ATAD5: variants seen among roughly 807,000 people sequenced by gnomAD.
The protein encoded by ATAD5 is ATPase family AAA domain containing 5.
ATAD5 carries 58 observed loss-of-function variants against 176.9 expected under a neutral mutation model. The observed-to-expected ratio is 0.33, with a 90% CI of 0.27 to 0.41. The LOEUF (loss-of-function observed/expected upper bound fraction) is 0.41, where lower values mean the gene tolerates loss of function less well. Ranked by LOEUF, ATAD5 falls within the 10% of genes least tolerant of loss-of-function variation. The pLI is 1.00. For synonymous variants in ATAD5, 640 were observed against 712.6 expected (o/e 0.90, Z 1.62); for missense variants, 1,789 against 2,094.1 (o/e 0.85, Z 2.84).
intron 14 of ATAD5, among the ~76,000 whole-genome samples, chr17:30,870,607 C>T (rs900764816): frequency 2.0e-5 from 3 of 152,164 alleles, no homozygotes; most frequent in Non-Finnish European, 4.4e-5. Context: ...TATTCCTCAT[C>T]AACTCTTTGG....
rs149602003 is a variant in ATAD5, at chr17:30,872,123, C to G, written c.3607+2477C>G. Among the ~76,000 whole-genome samples the G allele has an allele frequency of 2.7e-3, 411 of 152,226 alleles. 1 individual carries two copies. The highest frequency in any genetic ancestry group is 4.6e-3 in the Non-Finnish European group (316 of 68,036). On this transcript the variant is annotated intron_variant, in intron 14 of 22. Coordinates refer to ENST00000321990, the MANE Select transcript of ATAD5 (RefSeq NM_024857.5). Reference sequence around the variant, plus strand: ...TGTAGAGGGGGTCTTGCTGTGTTGTCAGGCTAGTCTCAAACTCCTGGCCTC... The same window carrying G: ...TGTAGAGGGGGTCTTGCTGTGTTGTGAGGCTAGTCTCAAACTCCTGGCCTC...
At chr17:30,892,520 A>G in intron 19 of ATAD5, 87 bp from the exon 20 acceptor site, 2 of 869,904 alleles carry the variant, frequency 2.3e-6, no homozygotes, top group Non-Finnish European at 3.3e-6. Flanking sequence ...TGTCCAGAAG[A>G]TGTCAAAGGA....
intron 21 of ATAD5, 24 bp from the exon 22 acceptor site, chr17:30,894,540 A>C: frequency 1.3e-6 from 2 of 1,582,156 alleles, no homozygotes; most frequent in Middle Eastern, 2.2e-4. Flanking sequence ...ATTAAAAATT[A>C]AAAACAATGC....
At chr17:30,848,364 C>T (rs1214544203) in intron 6 of ATAD5, among the ~76,000 whole-genome samples, 1 of 152,186 alleles carries the variant, frequency 6.6e-6, no homozygotes, top group African/African-American at 2.4e-5. Context: ...TCCCTCCCAC[C>T]TCAGCCTCCC....
chr17:30,850,836 TA>T (rs1567683507), intron 6 of ATAD5, among the ~76,000 whole-genome samples: 4 of 5,262 alleles, frequency 7.6e-4, no homozygotes, highest in Non-Finnish European at 1.5e-3. Context: ...TATATTTTTA[TA>T]TATATATATA....
At position 30,876,254 on chromosome 17, in the gene ATAD5, A is replaced by G. The variant is rs924175052; in HGVS notation, c.3608-120A>G. The G allele has an allele frequency of 4.8e-6, 4 of 828,990 alleles. No individual in the cohort carries two copies. In the African/African-American group the frequency reaches 7.1e-5, roughly 15 times the overall value. The allele number at this position is 828,990 out of a possible 1,614,324, so 51.4% of individuals were successfully genotyped here. On this transcript the variant is annotated intron_variant, in intron 14 of 22. Coordinates refer to ENST00000321990, the MANE Select transcript of ATAD5 (RefSeq NM_024857.5). ...ACATAGTATTTTTAAGAATGAAAGA[A>G]AATTTCTGTGTCTTTGATTTTTAAC...
rs1909129524 is a variant in ATAD5 at position 30,883,258 on chromosome 17, A to G, written c.4077+3771A>G. Among the ~76,000 whole-genome samples the G allele has an allele frequency of 2.0e-5, 3 of 151,252 alleles. No homozygotes were observed. In the Admixed American group the frequency reaches 2.0e-4, roughly 10 times the overall value. Reference sequence around the variant, plus strand: ...TCCCCTCTCAGCCTCCTGAGTAGCTAGGACCATAGGCATGTGCCACCACGC... The same window carrying G: ...TCCCCTCTCAGCCTCCTGAGTAGCTGGGACCATAGGCATGTGCCACCACGC... On this transcript the variant is annotated intron_variant, in intron 18 of 22. Transcript: ENST00000321990.
At chr17:30,891,589 T>C (rs1317847083) in intron 19 of ATAD5, among the ~76,000 whole-genome samples, 1 of 152,082 alleles carries the variant, frequency 6.6e-6, no homozygotes, top group Non-Finnish European at 1.5e-5. Context: ...GCCAGGCTGG[T>C]CTCGAACTCC....
chr17:30,890,418 C>CTTTTTTTTTTTTTTTTTTTTTT (rs968126768), intron 19 of ATAD5, among the ~76,000 whole-genome samples: 1 of 106,722 alleles, frequency 9.4e-6, no homozygotes, highest in Non-Finnish European at 1.9e-5. Flanking sequence ...CTCTTCTTTT[C>CTTTTTTTTTTTTTTTTTTTTTT]TTTTTTTTTT....
intron 6 of ATAD5, among the ~76,000 whole-genome samples, chr17:30,847,840 C>G (rs187674672): frequency 2.0e-5 from 3 of 151,396 alleles, no homozygotes; most frequent in Admixed American, 2.0e-4. Flanking sequence ...CTGCCTCAGC[C>G]TCCCGAGTAG....
chr17:30,873,066 A>C (rs569539378), intron 14 of ATAD5, among the ~76,000 whole-genome samples: 1 of 152,134 alleles, frequency 6.6e-6, no homozygotes, highest in Non-Finnish European at 1.5e-5. Context: ...TCTTGTTCTT[A>C]TTTATGATGG....
chr17:30,879,392 T>G, intron 17 of ATAD5, 31 bp from the exon 18 acceptor site: 2 of 1,529,028 alleles, frequency 1.3e-6, no homozygotes, highest in Non-Finnish European at 8.9e-7. Flanking sequence ...GTTTAAGAAT[T>G]TTTTTTTTTT....
At chr17:30,857,567 A>G (rs905400110) in intron 8 of ATAD5, among the ~76,000 whole-genome samples, 2 of 152,128 alleles carry the variant, frequency 1.3e-5, no homozygotes, top group Admixed American at 1.3e-4. Flanking sequence ...TTAAATACCC[A>G]TAGAGCTTTA....
chr17:30,879,571 T>C (rs1908890779), intron 18 of ATAD5, 84 bp downstream of exon 18: 1 of 1,332,694 alleles, frequency 7.5e-7, no homozygotes. Flanking sequence ...TATAATTTTT[T>C]TTTTTTTTTG....
intron 9 of ATAD5, 107 bp from the exon 10 acceptor site, chr17:30,860,326 C>T: frequency 7.7e-7 from 1 of 1,304,234 alleles, no homozygotes; most frequent in African/African-American, 1.5e-5. Context: ...ACCTGGATTG[C>T]CTTTGCATTT....
At chr17:30,858,350 T>A in intron 9 of ATAD5, 27 bp downstream of exon 9, 1 of 1,365,206 alleles carries the variant, frequency 7.3e-7, no homozygotes, top group Non-Finnish European at 9.6e-7. Flanking sequence ...ATCATTTATG[T>A]TAACATACCA....
intron 18 of ATAD5, among the ~76,000 whole-genome samples, chr17:30,885,846 G>A (rs1398090202): frequency 6.6e-6 from 1 of 151,594 alleles, no homozygotes; most frequent in Non-Finnish European, 1.5e-5. Context: ...TGTTGGTCAG[G>A]CTGGTCTTGA....
intron 6 of ATAD5, among the ~76,000 whole-genome samples, chr17:30,845,958 G>A (rs1906472134): frequency 6.6e-6 from 1 of 152,214 alleles, no homozygotes; most frequent in Admixed American, 6.5e-5. Flanking sequence ...GGAAGGTCAG[G>A]TCTAGGAGCA....
chr17:30,877,494 T>G lies in ATAD5; in HGVS notation c.3863T>G (p.Val1288Gly), dbSNP rs371458548. The G allele has an allele frequency of 1.9e-6, 3 of 1,610,914 alleles. No homozygotes were observed. The highest frequency in any genetic ancestry group is 2.5e-6 in the Non-Finnish European group (3 of 1,178,314). The change falls in exon 16 of 23, where the codon GTT becomes GGT. Residue 1288 changes from valine to glycine, a missense_variant. Val to Gly is a moderately radical substitution (Grantham distance 109). Coordinates refer to ENST00000321990, the MANE Select transcript of ATAD5 (RefSeq NM_024857.5). ...TNATNSNVKD[V>G]GAEEPSRKNA... ...GCAACTAATTCAAATGTCAAAGACG[T>G]TGGAGCTGAAGAACCCAGCAGAAAA...
Sources: allele counts gnomAD v4.1 joint callset (sites outside exome capture counted in the v4.1 genomes callset), GRCh38; gene constraint gnomAD v4.1.1; transcripts MANE v1.5; gene names NCBI Gene and HGNC (gene_info 2026-07-23, HGNC 2026-07-21).